TGS1: variants seen among roughly 807,000 people sequenced by gnomAD.
TGS1 encodes the protein trimethylguanosine synthase.
TGS1 carries 69 observed loss-of-function variants against 92.2 expected under a neutral mutation model. The ratio of observed to expected loss-of-function variants is 0.75; its 90% CI spans 0.62 to 0.91. The LOEUF is 0.91. Ranked by LOEUF, TGS1 falls within the 40% of genes least tolerant of loss-of-function variation. The pLI, the probability that TGS1 is intolerant of heterozygous loss-of-function variation, is 0.00. For missense variants in TGS1, 1,062 were observed against 1,001.2 expected, an observed-to-expected ratio of 1.06 and a Z score of -0.82; for synonymous variants, 345 against 338.1, an observed-to-expected ratio of 1.02 and a Z score of -0.22.
At chr8:55,820,179 G>A (rs1008136950) in intron 12 of TGS1, among the ~76,000 whole-genome samples, 9 of 152,134 alleles carry the variant, frequency 5.9e-5, no homozygotes, top group African/African-American at 2.2e-4. Flanking sequence ...CTTCCAGTAG[G>A]ATGCAGTTGG....
At chr8:55,797,801 G>A (rs1264216000) in intron 7 of TGS1, among the ~76,000 whole-genome samples, 1 of 152,132 alleles carries the variant, frequency 6.6e-6, no homozygotes, top group Non-Finnish European at 1.5e-5. Context: ...ACTCCATGAT[G>A]TCTCTGTCTC....
intron 2 of TGS1, among the ~76,000 whole-genome samples, chr8:55,783,982 T>G (rs919245423): frequency 1.3e-5 from 2 of 152,194 alleles, no homozygotes; most frequent in African/African-American, 4.8e-5. Context: ...TTGAATGGAG[T>G]AGTGAGTGGA....
chr8:55,815,962 T>G (rs2130245016), intron 12 of TGS1, among the ~76,000 whole-genome samples: 1 of 151,886 alleles, frequency 6.6e-6, no homozygotes, highest in East Asian at 1.9e-4. Flanking sequence ...TTTATTTATT[T>G]ATGGAGATAG....
chr8:55,801,584 T>C (rs921222307), intron 8 of TGS1, among the ~76,000 whole-genome samples: 2 of 112,150 alleles, frequency 1.8e-5, no homozygotes, highest in African/African-American at 3.9e-5. Context: ...CCATCGTTCT[T>C]TTTTTTTTTT....
At chr8:55,773,921 T>G (rs1192263149) in intron 1 of TGS1, among the ~76,000 whole-genome samples, 1 of 152,230 alleles carries the variant, frequency 6.6e-6, no homozygotes, top group African/African-American at 2.4e-5. Context: ...GGACTACATC[T>G]ACTTGGTAGG....
intron 9 of TGS1, among the ~76,000 whole-genome samples, chr8:55,803,807 TC>T (rs1340120810): frequency 4.0e-5 from 6 of 151,852 alleles, no homozygotes; most frequent in Non-Finnish European, 8.8e-5. Flanking sequence ...TCCTTATGCC[TC>T]CGCCTCCTAA....
intron 12 of TGS1, among the ~76,000 whole-genome samples, chr8:55,822,178 T>A (rs1340958945): frequency 6.6e-6 from 1 of 151,654 alleles, no homozygotes; most frequent in Non-Finnish European, 1.5e-5. Flanking sequence ...CACGCCATTC[T>A]CCTGCCTCAG....
chr8:55,778,868 G>C (rs995407201), intron 1 of TGS1, among the ~76,000 whole-genome samples: 1 of 152,160 alleles, frequency 6.6e-6, no homozygotes, highest in Non-Finnish European at 1.5e-5. Context: ...TCAGCCGCCC[G>C]AGTGTCAGGT....
At position 55,804,958 on chromosome 8, in the gene TGS1, T is replaced by G; in HGVS notation, c.2065T>G (p.Phe689Val). 6.2e-7 allele frequency: 1 copy of G among 1,614,068 alleles called. No homozygotes were observed. Among genetic ancestry groups the G allele is most frequent in the South Asian group, 1.1e-5 (1 of 91,078 alleles). The change falls in exon 10 of 13, where the codon TTC becomes GTC. Residue 689 changes from phenylalanine to valine, a missense_variant. Transcript: ENST00000260129. ...CATTGCTGGCCGTGTTAGTCAGTCC[T>G]TCAAGTGTGACGTTGTAGTAGACGC... ...EHIAGRVSQS[F>V]KCDVVVDAFC... is the part of the protein sequence containing the mutation.
At position 55,804,818 on chromosome 8, in the gene TGS1, T is replaced by C. The variant is rs984719697; in HGVS notation, c.2000-75T>C. Reference sequence around the variant, plus strand: ...CTTTTTAAAAGTATGTAAGATATAGTAATGTTTGCTATGTTTATGCTTGCC... The same window carrying C: ...CTTTTTAAAAGTATGTAAGATATAGCAATGTTTGCTATGTTTATGCTTGCC... On this transcript the variant is annotated intron_variant, in intron 9 of 12. Transcript: ENST00000260129. 3.2e-6 allele frequency: 4 copies of C among 1,263,018 alleles called. No individual in the cohort carries two copies. In the African/African-American group the frequency reaches 5.9e-5, roughly 19 times the overall value. 78.2% of individuals were successfully genotyped at this position (1,263,018 alleles called of 1,614,324 possible).
chr8:55,794,483 T>C lies in TGS1; in HGVS notation c.1368-1495T>C, dbSNP rs184847716. ...TTTGCTGTTACAAATAAAGCAACAG[T>C]GCAGGTGCAGTGGCTCACACCTGTA... On this transcript the variant is annotated intron_variant, in intron 6 of 12. Coordinates refer to ENST00000260129, the MANE Select transcript of TGS1 (RefSeq NM_024831.8). Among the ~76,000 whole-genome samples, 14 of 152,276 alleles carry C rather than the reference T, an allele frequency of 9.2e-5. No homozygotes were observed. The South Asian group carries it at 1.0e-3, about 11-fold the overall frequency.
rs1045469861 is a variant in TGS1, at chr8:55,825,387, C to T, written c.*684C>T. ...TAAAATTTCCATTGTGACATCAATA[C>T]GCAATATATTTTGTAATATAGGAGT... On this transcript the variant is annotated 3_prime_UTR_variant, in exon 13 of 13. Transcript: ENST00000260129. 15 of 152,068 alleles carry T rather than the reference C, an allele frequency of 9.9e-5. No homozygotes were observed. The highest frequency in any genetic ancestry group is 3.1e-4 in the African/African-American group (13 of 41,392). 9.4% of individuals were successfully genotyped at this position (152,068 alleles called of 1,614,324 possible).
At chr8:55,785,571 C>T (rs1013069029) in intron 2 of TGS1, 148 bp from the exon 3 acceptor site, 14 of 545,140 alleles carry the variant, frequency 2.6e-5, no homozygotes, top group Admixed American at 3.6e-5. Context: ...TTGTGAGACC[C>T]CCATCTCTAA....
intron 5 of TGS1, among the ~76,000 whole-genome samples, chr8:55,791,247 G>C (rs1291951432): frequency 6.6e-6 from 1 of 152,164 alleles, no homozygotes; most frequent in Non-Finnish European, 1.5e-5. Flanking sequence ...GTCAGACACT[G>C]GTAAAATGTA....
chr8:55,816,527 G>A (rs989234605), intron 12 of TGS1, among the ~76,000 whole-genome samples: 5 of 152,148 alleles, frequency 3.3e-5, no homozygotes, highest in African/African-American at 9.7e-5. Context: ...AAGCAATAGC[G>A]TTTGTACTTT....
Position 55,773,514 on chromosome 8 carries a change from C to T in TGS1, c.-105C>T. ...CGCGGGCCAGTTTCTATCTCCTCATCCAGGGCTTGCGGGCGAGGCCTGTTT... is the reference window on the plus strand; with the variant it reads ...CGCGGGCCAGTTTCTATCTCCTCATTCAGGGCTTGCGGGCGAGGCCTGTTT... On this transcript the variant is annotated 5_prime_UTR_variant, in exon 1 of 13. Coordinates refer to ENST00000260129, the MANE Select transcript of TGS1 (RefSeq NM_024831.8). 1 of 800,636 alleles carries T rather than the reference C, an allele frequency of 1.2e-6. No homozygotes were observed. Among genetic ancestry groups the T allele is most frequent in the African/African-American group, 1.8e-5 (1 of 56,994 alleles). The allele number at this position is 800,636 out of a possible 1,614,324, so 49.6% of individuals were successfully genotyped here.
intron 1 of TGS1, among the ~76,000 whole-genome samples, chr8:55,778,602 C>T (rs1391775946): frequency 6.6e-6 from 1 of 152,116 alleles, no homozygotes; most frequent in Non-Finnish European, 1.5e-5. Flanking sequence ...TATGTTTTCC[C>T]CCCAACAGGT....
chr8:55,799,739 T>G (rs892579869), intron 8 of TGS1, among the ~76,000 whole-genome samples: 3 of 152,044 alleles, frequency 2.0e-5, no homozygotes, highest in African/African-American at 7.2e-5. Flanking sequence ...CATGCCTGCT[T>G]AATTATTTAA....
At chr8:55,812,050 C>T (rs1295879336) in intron 11 of TGS1, among the ~76,000 whole-genome samples, 1 of 152,190 alleles carries the variant, frequency 6.6e-6, no homozygotes, top group East Asian at 1.9e-4. Context: ...CTCTTCAATT[C>T]ACACTGATGC....
Sources: allele counts gnomAD v4.1 joint callset (sites outside exome capture counted in the v4.1 genomes callset), GRCh38; gene constraint gnomAD v4.1.1; transcripts MANE v1.5; gene names NCBI Gene and HGNC (gene_info 2026-07-23, HGNC 2026-07-21).